WDR4: variants seen among roughly 807,000 people sequenced by gnomAD.
WDR4 encodes the protein WDR4 tRNA N7-guanosine methyltransferase non-catalytic subunit.
Under a neutral mutation model 48.6 loss-of-function variants are expected in WDR4, and 47 were observed. That is an observed-to-expected ratio of 0.97 (90% CI 0.77 to 1.23). WDR4 has a LOEUF of 1.23. WDR4 is among the 50% of genes most tolerant of loss of function. The pLI is 0.00. For synonymous variants in WDR4, 268 were observed against 230.0 expected (o/e 1.17, Z -1.49); for missense variants, 606 against 551.6 (o/e 1.10, Z -0.99).
In WDR4 at chr21:42,862,365, G is replaced by A. The variant is rs1214183047; in HGVS notation, c.483C>T (p.Leu161=). ...GGATCTTCTCGTCCCGGTCGGCAGT[G>A]AGGATGAAGCGGTCATCAGGACTCA... ...VAVSPDDRFI[L]TADRDEKIRV... The change falls in exon 5 of 11, where the codon CTC becomes CTT. Residue 161 remains leucine (L), a synonymous_variant. Transcript: ENST00000398208. This position sits in a 1 kb window ranked among gnomAD's most constrained non-coding sequence, Gnocchi z 4.3. 1 of 1,610,786 alleles carries A rather than the reference G, an allele frequency of 6.2e-7. No individual in the cohort carries two copies. The highest frequency in any genetic ancestry group is 8.5e-7 in the Non-Finnish European group (1 of 1,178,694).
At chr21:42,859,137 G>C (rs2058057932) in intron 6 of WDR4, among the ~76,000 whole-genome samples, 1 of 152,082 alleles carries the variant, frequency 6.6e-6, no homozygotes, top group Non-Finnish European at 1.5e-5. Context: ...TGGTAACCCG[G>C]GTGCGGGCGC....
intron 10 of WDR4, among the ~76,000 whole-genome samples, chr21:42,851,219 T>G (rs555941043): frequency 6.6e-6 from 1 of 152,204 alleles, no homozygotes; most frequent in Non-Finnish European, 1.5e-5. Flanking sequence ...TGCCCGGCCA[T>G]GAGCACTGCC....
downstream of WDR4, among the ~76,000 whole-genome samples, chr21:42,846,584 G>A (rs952512030): frequency 6.6e-6 from 1 of 151,888 alleles, no homozygotes; most frequent in Non-Finnish European, 1.5e-5. Flanking sequence ...ATAATGGCTC[G>A]TGCCTGTAAT....
Position 42,855,719 on chromosome 21 carries a change from G to A in WDR4, c.689C>T (p.Ala230Val), listed in dbSNP as rs149392841. 8.4e-6 allele frequency: 13 copies of A among 1,555,586 alleles called. No homozygotes were observed. The highest frequency in any genetic ancestry group is 8.2e-5 in the African/African-American group (6 of 73,358). The change falls in exon 7 of 11, where the codon GCC becomes GTC. Residue 230 changes from alanine (A) to valine (V), a missense_variant. Ala to Val is a moderately conservative substitution (Grantham distance 64). Coordinates refer to ENST00000398208, the MANE Select transcript of WDR4 (RefSeq NM_018669.6). ...GGGGTCCACCAGCTCCTGCAGACTG[G>A]CCAGGTGACAGCAGTGCAGCTGGCG... ...SGRQLHCCHL[A>V]SLQELVDPQA...
intron 3 of WDR4, among the ~76,000 whole-genome samples, chr21:42,863,828 C>T (rs7280803): frequency 0.64 from 95,736 of 148,880 alleles, 32,701 homozygotes; most frequent in African/African-American, 0.87. Context: ...TGCTCCTAGC[C>T]GGGCGCAGTG....
intron 1 of WDR4, among the ~76,000 whole-genome samples, chr21:42,877,217 C>T (rs1444346059): frequency 3.5e-5 from 5 of 141,778 alleles, no homozygotes; most frequent in Non-Finnish European, 6.0e-5. Context: ...GATCTCAGGT[C>T]ACTGCAACCT....
chr21:42,852,216 G>C (rs760914110), intron 10 of WDR4, 39 bp downstream of exon 10: 1 of 1,610,498 alleles, frequency 6.2e-7, no homozygotes, highest in Non-Finnish European at 8.5e-7. Context: ...GACCGCGCTG[G>C]GTGTGACCCC....
At chr21:42,850,909 C>A (rs2057808465) in intron 10 of WDR4, among the ~76,000 whole-genome samples, 1 of 152,212 alleles carries the variant, frequency 6.6e-6, no homozygotes, top group Non-Finnish European at 1.5e-5. Context: ...GGCCAGGAAA[C>A]CACAGGCCCA....
rs2057853013 is a variant in WDR4, at chr21:42,852,312, T to C, written c.988A>G (p.Ser330Gly). 4 of 1,613,942 alleles carry C rather than the reference T, an allele frequency of 2.5e-6. No individual in the cohort carries two copies. Among genetic ancestry groups the C allele is most frequent in the Non-Finnish European group, 3.4e-6 (4 of 1,180,008 alleles). ...CCAGAGACTTTCTTTAACACGGTGC[T>C]CTCAGGAACAGACTGCAGGCGACAA... ...VGDQWQSVPE[S>G]TVLKKVSGVL... The change falls in exon 10 of 11, where the codon AGC (serine) becomes GGC (glycine). Residue 330 changes from serine to glycine, a missense_variant. Transcript: ENST00000398208.
intron 4 of WDR4, among the ~76,000 whole-genome samples, 168 bp downstream of exon 4, chr21:42,863,272 C>T (rs1481071077): frequency 6.6e-6 from 1 of 152,216 alleles, no homozygotes; most frequent in African/African-American, 2.4e-5. Context: ...GTTGATTCAG[C>T]CTGTACCCCA....
At chr21:42,864,819 A>AT (rs2058212298) in intron 3 of WDR4, among the ~76,000 whole-genome samples, 1 of 152,164 alleles carries the variant, frequency 6.6e-6, no homozygotes, top group African/African-American at 2.4e-5. Context: ...GCAGGGACCC[A>AT]TATGTTCTAT....
chr21:42,888,665 A>C, the WDR4 span, among the ~76,000 whole-genome samples: 1 of 150,942 alleles, frequency 6.6e-6, no homozygotes, highest in African/African-American at 2.4e-5. Context: ...GAAGTATTTG[A>C]GCTCACAATA....
chr21:42,892,458 G>A, the WDR4 span, among the ~76,000 whole-genome samples: 1 of 149,566 alleles, frequency 6.7e-6, no homozygotes, highest in East Asian at 1.9e-4. Flanking sequence ...GCCTCATTCC[G>A]CCAGTTTATC....
downstream of WDR4, among the ~76,000 whole-genome samples, chr21:42,848,181 A>T (rs557239309): frequency 6.6e-6 from 1 of 152,334 alleles, no homozygotes; most frequent in South Asian, 2.1e-4. Flanking sequence ...CGCCAGCATG[A>T]ACCTGTTCCT....
At chr21:42,852,695 C>T (rs2057865714) in intron 9 of WDR4, among the ~76,000 whole-genome samples, 1 of 152,198 alleles carries the variant, frequency 6.6e-6, no homozygotes, top group South Asian at 2.1e-4. Flanking sequence ...GCGGGCGGAT[C>T]ACCTGAGGGT....
At position 42,850,077 on chromosome 21, in the gene WDR4, C is replaced by G. The variant is rs373763164; in HGVS notation, c.1211G>C (p.Arg404Thr). The G allele has an allele frequency of 6.2e-7, 1 of 1,614,136 alleles. No individual in the cohort carries two copies. The highest frequency in any genetic ancestry group is 2.2e-5 in the East Asian group (1 of 44,890). Residue 404 changes from arginine (R) to threonine (T), a missense_variant, in exon 11 of 11, where the codon AGA (arginine) becomes ACA (threonine). Coordinates refer to ENST00000398208, the MANE Select transcript of WDR4 (RefSeq NM_018669.6). The stretch of plus-strand genomic sequence containing the variant: ...GCAACTTAGCGTCGCCTCCCCCGGT[C>G]TCATCTTCTTGGCATGCCCGTCGGG... ...PGPDGHAKKMRPGEATLSC is the reference protein window; with the variant it reads ...PGPDGHAKKMTPGEATLSC
chr21:42,848,703 A>G (rs62650037), downstream of WDR4, among the ~76,000 whole-genome samples: 3,177 of 24,786 alleles, frequency 0.13, 964 homozygotes, highest in African/African-American at 0.38. Context: ...CACGCGGCGC[A>G]CACCTCACTC....
intron 11 of WDR4, among the ~76,000 whole-genome samples, chr21:42,843,764 A>C (rs1286559939): frequency 6.6e-6 from 1 of 152,084 alleles, no homozygotes; most frequent in Non-Finnish European, 1.5e-5. Flanking sequence ...ACAGGGTTTC[A>C]CCATATTGGC....
rs1326580306 is a variant in WDR4 at position 42,873,691 on chromosome 21, C to T, written c.156G>A (p.Gly52=). 3.1e-6 allele frequency: 5 copies of T among 1,612,734 alleles called. No individual in the cohort carries two copies. Among genetic ancestry groups the T allele is most frequent in the Non-Finnish European group, 4.2e-6 (5 of 1,179,360 alleles). The change falls in exon 3 of 11, where the codon GGG becomes GGA. Residue 52 remains glycine, a splice_region_variant and synonymous_variant. Coordinates refer to ENST00000398208, the MANE Select transcript of WDR4 (RefSeq NM_018669.6). ...TCCCCTGGTCCAAGGGCGCGTCCTC[C>T]CTGAGGAAGAGAGGAGGAAGACGGT... ...AAEKKSQENK[G]EDAPLDQGSG...
Sources: allele counts gnomAD v4.1 joint callset (sites outside exome capture counted in the v4.1 genomes callset), GRCh38; gene constraint gnomAD v4.1.1; non-coding constraint Gnocchi (gnomAD v3.1); transcripts MANE v1.5; gene names NCBI Gene and HGNC (gene_info 2026-07-23, HGNC 2026-07-21).